Variants in STK38L observed in about 807,000 individuals in gnomAD.
STK38L encodes serine/threonine kinase 38 like, also known as serine/threonine-protein kinase 38-like.
STK38L carries 28 observed loss-of-function variants against 59.7 expected under a neutral mutation model. The ratio of observed to expected loss-of-function variants is 0.47; its 90% confidence interval spans 0.35 to 0.64. The LOEUF (loss-of-function observed/expected upper bound fraction) is 0.64. STK38L is among the 30% of genes least tolerant of loss of function. The probability of loss-of-function intolerance (pLI) is 0.01; values close to 1 mark genes in which losing one functional copy is unlikely to be tolerated. For synonymous variants in STK38L, 162 were observed against 176.8 expected, an observed-to-expected ratio of 0.92 and a Z score of 0.66; for missense variants, 314 against 555.8, an observed-to-expected ratio of 0.56 and a Z score of 4.37.
intron 1 of STK38L, among the ~76,000 whole-genome samples, chr12:27,260,000 A>G (rs1439598294): frequency 6.6e-6 from 1 of 152,152 alleles, no homozygotes; most frequent in Non-Finnish European, 1.5e-5. Context: ...TTCTTATATC[A>G]AGTTTTAATC....
intron 1 of STK38L, among the ~76,000 whole-genome samples, chr12:27,272,827 G>T (rs1591871847): frequency 6.6e-6 from 1 of 152,054 alleles, no homozygotes; most frequent in Non-Finnish European, 1.5e-5. Flanking sequence ...ATGATTGATT[G>T]TAGGCATTGT....
At chr12:27,275,634 C>T (rs914174914) in intron 1 of STK38L, among the ~76,000 whole-genome samples, 2 of 152,056 alleles carry the variant, frequency 1.3e-5, no homozygotes, top group Non-Finnish European at 2.9e-5. Flanking sequence ...CCACCACGCC[C>T]GGACTGATTA....
chr12:27,313,408 G>A (rs1189134667), intron 6 of STK38L, among the ~76,000 whole-genome samples: 1 of 152,112 alleles, frequency 6.6e-6, no homozygotes, highest in East Asian at 1.9e-4. Flanking sequence ...TTGAGATGAA[G>A]TCTCGCTCTG....
intron 1 of STK38L, among the ~76,000 whole-genome samples, chr12:27,253,981 G>A (rs187317456): frequency 6.6e-6 from 1 of 152,330 alleles, no homozygotes; most frequent in African/African-American, 2.4e-5. Context: ...CTGGAGTGCA[G>A]TGCTGGTGAT....
rs997614743 is a variant in STK38L at position 27,260,086 on chromosome 12, A to T, written c.-12+15754A>T. Among the ~76,000 whole-genome samples the T allele has an allele frequency of 3.9e-5, 6 of 152,246 alleles. 1 individual carries two copies. The highest frequency in any genetic ancestry group is 2.9e-5 in the Non-Finnish European group (2 of 68,006). On this transcript the variant is annotated intron_variant, in intron 1 of 13. Transcript: ENST00000389032. ...CAGTCTGTCCATCACTTGTTTGGTTATACAAGTCCCCCACCACCACCACCA... is the reference window on the plus strand; with the variant it reads ...CAGTCTGTCCATCACTTGTTTGGTTTTACAAGTCCCCCACCACCACCACCA...
In STK38L at chr12:27,312,595, G is replaced by C; in HGVS notation, c.440G>C (p.Gly147Ala). Reference sequence around the variant, plus strand: ...AGAGATATTTTGGTAGAAGCAGATGGTGCCTGGGTGGTGAAGATGTTTTAC... The same window carrying C: ...AGAGATATTTTGGTAGAAGCAGATGCTGCCTGGGTGGTGAAGATGTTTTAC... ...AERDILVEAD[G>A]AWVVKMFYSF... The change falls in exon 6 of 14, where the codon GGT becomes GCT. Residue 147 changes from glycine (G) to alanine (A), a missense_variant. By Grantham distance (60) the Gly-to-Ala change is moderately conservative. Transcript: ENST00000389032. 1 of 1,614,086 alleles carries C rather than the reference G, an allele frequency of 6.2e-7. No homozygotes were observed. Among genetic ancestry groups the C allele is most frequent in the Non-Finnish European group, 8.5e-7 (1 of 1,180,004 alleles).
chr12:27,278,429 TG>T (rs1398246770), intron 1 of STK38L, among the ~76,000 whole-genome samples: 1 of 152,214 alleles, frequency 6.6e-6, no homozygotes, highest in Non-Finnish European at 1.5e-5. Flanking sequence ...ATTGTTTATA[TG>T]GGTTAGTCTT....
At position 27,322,395 on chromosome 12, in the gene STK38L, G is replaced by A. The variant is rs751440994; in HGVS notation, c.1335G>A (p.Arg445=). The A allele has an allele frequency of 3.7e-6, 6 of 1,614,010 alleles. No individual in the cohort carries two copies. Among genetic ancestry groups the A allele is most frequent in the Non-Finnish European group, 5.1e-6 (6 of 1,179,946 alleles). The change falls in exon 14 of 14, where the codon AGG becomes AGA. Residue 445 remains arginine, a synonymous_variant. Transcript: ENST00000389032. ...TTTTTCTCAATTATACCTATAAAAG[G>A]TTTGAAGGGTTGACTCAACGTGGCT... is the stretch of plus-strand genomic sequence containing the variant. The part of the protein sequence containing the change: ...DWVFLNYTYK[R]FEGLTQRGSI...
intron 1 of STK38L, among the ~76,000 whole-genome samples, chr12:27,279,354 C>G (rs1039513443): frequency 2.0e-5 from 3 of 152,112 alleles, no homozygotes; most frequent in African/African-American, 7.2e-5. Flanking sequence ...TCAAAATGGA[C>G]TGTTTCTGGT....
intron 1 of STK38L, among the ~76,000 whole-genome samples, chr12:27,274,300 AG>A (rs904655260): frequency 3.9e-5 from 6 of 152,096 alleles, no homozygotes; most frequent in Non-Finnish European, 8.8e-5. Flanking sequence ...GTAAGAAAAA[AG>A]GGTGTCCTGT....
intron 1 of STK38L, among the ~76,000 whole-genome samples, chr12:27,264,934 G>A (rs973841877): frequency 4.6e-5 from 7 of 152,134 alleles, no homozygotes; most frequent in African/African-American, 1.7e-4. Context: ...GGAAATTCAG[G>A]TATGCTACTC....
intron 1 of STK38L, among the ~76,000 whole-genome samples, chr12:27,255,611 C>G (rs538179140): frequency 4.3e-4 from 65 of 152,194 alleles, no homozygotes; most frequent in African/African-American, 1.4e-3. Flanking sequence ...TAGTCTTTGC[C>G]TAAATATTTA....
At chr12:27,309,305 G>C in intron 5 of STK38L, 108 bp downstream of exon 5, 1 of 623,728 alleles carries the variant, frequency 1.6e-6, no homozygotes, top group Non-Finnish European at 2.4e-6. Context: ...TACTACATAA[G>C]CTATTAATTT....
rs1159134379 is a variant in STK38L, at chr12:27,322,318, C to T, written c.1268-10C>T. ...CACTAATGAAATTCCTTTATTTTTT[C>T]TCTTTCTAGTGCCAAATACCACAGA... On this transcript the variant is annotated splice_polypyrimidine_tract_variant and intron_variant, in intron 13 of 13. Transcript: ENST00000389032. 6.2e-7 allele frequency: 1 copy of T among 1,611,826 alleles called. No individual in the cohort carries two copies. Among genetic ancestry groups the T allele is most frequent in the Non-Finnish European group, 8.5e-7 (1 of 1,179,348 alleles).
At chr12:27,272,166 A>G (rs1943437855) in intron 1 of STK38L, among the ~76,000 whole-genome samples, 1 of 152,220 alleles carries the variant, frequency 6.6e-6, no homozygotes, top group Non-Finnish European at 1.5e-5. Context: ...AGCTGTAAGT[A>G]AATATAAATA....
intron 3 of STK38L, among the ~76,000 whole-genome samples, chr12:27,305,997 A>G (rs1944301962): frequency 6.6e-6 from 1 of 152,170 alleles, no homozygotes. Flanking sequence ...TTTAACATGA[A>G]TTTGATTCAG....
At chr12:27,253,106 G>A (rs1402378588) in intron 1 of STK38L, among the ~76,000 whole-genome samples, 1 of 152,198 alleles carries the variant, frequency 6.6e-6, no homozygotes, top group African/African-American at 2.4e-5. Flanking sequence ...TCAGAGTGAA[G>A]GACATGCCAC....
chr12:27,283,077 G>A (rs1475737067), intron 1 of STK38L, among the ~76,000 whole-genome samples: 3 of 152,180 alleles, frequency 2.0e-5, no homozygotes, highest in African/African-American at 7.2e-5. Flanking sequence ...CTCAGTATAT[G>A]TTAGCAACTA....
Position 27,322,204 on chromosome 12 carries a change from G to A in STK38L, c.1237G>A (p.Asp413Asn), listed in dbSNP as rs1419089559. The stretch of plus-strand genomic sequence containing the variant: ...CATTGATGATACTTCAAATTTTGAT[G>A]ACTTCCCTGAATCTGATATTTTACA... ...KSIDDTSNFD[D>N]FPESDILQPV... Residue 413 changes from aspartate to asparagine, a missense_variant, in exon 13 of 14, where the codon GAC (aspartate) becomes AAC (asparagine). Physicochemically the swap from Asp to Asn is conservative, Grantham distance 23. Around this residue, in one of 3 missense-constraint regions of STK38L, gnomAD observed 94 missense variants for 142.2 expected, o/e 0.66. Coordinates refer to ENST00000389032, the MANE Select transcript of STK38L (RefSeq NM_015000.4). 1 of 1,613,760 alleles carries A rather than the reference G, an allele frequency of 6.2e-7. No homozygotes were observed. The highest frequency in any genetic ancestry group is 1.3e-5 in the African/African-American group (1 of 74,898).
Sources: gnomAD v4.1 joint callset for allele counts (sites outside exome capture counted in the v4.1 genomes callset) on GRCh38, gnomAD v4.1.1 for gene constraint, gnomAD v4.1.1 regional missense constraint, MANE v1.5 for transcripts, NCBI Gene and HGNC (gene_info 2026-07-23, HGNC 2026-07-21) for gene names.